Variants in AHNAK observed in about 807,000 individuals in gnomAD.
The protein encoded by AHNAK is neuroblast differentiation-associated protein AHNAK.
A neutral mutation model predicts 37.8 loss-of-function variants in AHNAK; 23 were observed. That is an observed-to-expected ratio of 0.61 (90% CI 0.44 to 0.86). The LOEUF (loss-of-function observed/expected upper bound fraction) is 0.86. Ranked by LOEUF, AHNAK falls within the 40% of genes least tolerant of loss-of-function variation. The pLI is 0.00. For missense variants in AHNAK, 7,411 were observed against 7,319.4 expected, an observed-to-expected ratio of 1.01 and a Z score of -0.46; for synonymous variants, 2,481 against 2,636.3, an observed-to-expected ratio of 0.94 and a Z score of 1.80.
At chr11:62,480,488 C>T (rs1432208036) in intron 5 of AHNAK, among the ~76,000 whole-genome samples, 28 of 151,856 alleles carry the variant, frequency 1.8e-4, no homozygotes, top group South Asian at 8.3e-4. Flanking sequence ...GGTGAAACCC[C>T]GTCTCTACTA....
In AHNAK at chr11:62,527,038, A is replaced by T; in HGVS notation, c.7379T>A (p.Leu2460Gln). The T allele has an allele frequency of 1.9e-6, 3 of 1,614,080 alleles. No individual in the cohort carries two copies. Among genetic ancestry groups the T allele is most frequent in the Non-Finnish European group, 2.5e-6 (3 of 1,179,992 alleles). ...APNISMPDVD[L>Q]NLKGPKIKGD... ...CTTGATTTTGGGTCCTTTGAGATTT[A>T]GATCAACATCAGGCATAGAAATATT... Residue 2460 changes from leucine (L) to glutamine (Q), a missense_variant, in exon 5 of 5, where the codon CTA (leucine) becomes CAA (glutamine). By Grantham distance (113) the Leu-to-Gln change is moderately radical. Transcript: ENST00000378024.
Position 62,519,028 on chromosome 11 carries a change from T to G in AHNAK, c.15389A>C (p.His5130Pro), listed in dbSNP as rs1367687460. ...PDLELSLPAI[H>P]VEGLDIKAKA... ...CGCCTTGATGTCAAGACCTTCGACG[T>G]GAATCGCTGGCAAAGAAAGTTCCAG... Residue 5130 changes from histidine (H) to proline (P), a missense_variant, in exon 5 of 5, where the codon CAC (histidine) becomes CCC (proline). Transcript: ENST00000378024. 1.2e-6 allele frequency: 2 copies of G among 1,613,288 alleles called. No homozygotes were observed. Among genetic ancestry groups the G allele is most frequent in the East Asian group, 4.5e-5 (2 of 44,854 alleles).
chr11:62,517,365 G>A lies in AHNAK; in HGVS notation c.17052C>T (p.Phe5684=). The A allele has an allele frequency of 6.2e-7, 1 of 1,614,198 alleles. No individual in the cohort carries two copies. The highest frequency in any genetic ancestry group is 8.5e-7 in the Non-Finnish European group (1 of 1,180,044). Reference sequence around the variant, plus strand: ...CTTGGATGCTGGCCTCTGCTTTAGGGAAGTGAACATCCACCCCCATTTCTC... The same window carrying A: ...CTTGGATGCTGGCCTCTGCTTTAGGAAAGTGAACATCCACCCCCATTTCTC... ...VGREMGVDVH[F]PKAEASIQAG... is the part of the protein sequence containing the mutation. The change falls in exon 5 of 5, where the codon TTC becomes TTT. Residue 5684 remains phenylalanine, a synonymous_variant. Coordinates refer to ENST00000378024, the MANE Select transcript of AHNAK (RefSeq NM_001620.3).
In AHNAK at chr11:62,494,577, C is replaced by T. The variant is rs1281758622; in HGVS notation, c.343-2746G>A. 3.9e-5 allele frequency among the ~76,000 whole-genome samples: 6 copies of T among 151,958 alleles called. No individual in the cohort carries two copies. In the East Asian group the frequency reaches 1.2e-3, roughly 29 times the overall value. On this transcript the variant is annotated intron_variant, in intron 4 of 5. Transcript: ENST00000257247. The stretch of plus-strand genomic sequence containing the variant: ...CCCTAGATGGTACAGCTAGAAAGAG[C>T]CAGAGCTGGTCAGGCACAATGGCTC...
chr11:62,472,973 T>C (rs1201181147), intron 5 of AHNAK, among the ~76,000 whole-genome samples: 1 of 147,976 alleles, frequency 6.8e-6, no homozygotes, highest in Non-Finnish European at 1.5e-5. Flanking sequence ...GTAACCCAGC[T>C]ACTCGGGAGG....
chr11:62,529,937 T>G lies in AHNAK; in HGVS notation c.4480A>C (p.Ile1494Leu). 6 of 1,612,368 alleles carry G rather than the reference T, an allele frequency of 3.7e-6. No individual in the cohort carries two copies. Among genetic ancestry groups the G allele is most frequent in the Non-Finnish European group, 5.1e-6 (6 of 1,179,566 alleles). ...DVDIKGPKVD[I>L]NAPDVEVHGP... ...TGAACCTCCACATCTGGTGCATTAA[T>G]ATCAACTTTGGGGCCTTTGATGTCA... Residue 1494 changes from isoleucine (I) to leucine (L), a missense_variant, in exon 5 of 5, where the codon ATT becomes CTT. Transcript: ENST00000378024.
In AHNAK at chr11:62,532,131, G is replaced by C; in HGVS notation, c.2286C>G (p.Phe762Leu). 6.2e-7 allele frequency: 1 copy of C among 1,613,440 alleles called. No individual in the cohort carries two copies. Among genetic ancestry groups the C allele is most frequent in the South Asian group, 1.1e-5 (1 of 91,060 alleles). Residue 762 changes from phenylalanine (F) to leucine (L), a missense_variant, in exon 5 of 5, where the codon TTC becomes TTG. Phe to Leu is a conservative substitution (Grantham distance 22). Coordinates refer to ENST00000378024, the MANE Select transcript of AHNAK (RefSeq NM_001620.3). ...CATCCACTTCTGGGCCCTCTGCTTT[G>C]AACCCTGGCACACTGAATTTGGGCA... ...MKMPKFSVPG[F>L]KAEGPEVDVN... is the part of the protein sequence containing the mutation.
intron 5 of AHNAK, among the ~76,000 whole-genome samples, chr11:62,490,118 C>A (rs1022318333): frequency 6.6e-6 from 1 of 151,514 alleles, no homozygotes; most frequent in Non-Finnish European, 1.5e-5. Flanking sequence ...ACAGGCAATG[C>A]TTTCCAGTTG....
At chr11:62,435,467 G>C (rs990352512) in intron 5 of AHNAK, among the ~76,000 whole-genome samples, 1 of 151,998 alleles carries the variant, frequency 6.6e-6, no homozygotes, top group Non-Finnish European at 1.5e-5. Context: ...CTGGAATGCA[G>C]TGGCGCGATC....
Position 62,531,404 on chromosome 11 carries a change from T to C in AHNAK, c.3013A>G (p.Lys1005Glu), listed in dbSNP as rs184758846. Residue 1005 changes from lysine to glutamate, a missense_variant, in exon 5 of 5, where the codon AAA (lysine) becomes GAA (glutamate). Physicochemically the swap from Lys to Glu is moderately conservative, Grantham distance 56. Transcript: ENST00000378024. ...NLKMPKIKMPKFSMPSLKGEG... is the reference protein window; with the variant it reads ...NLKMPKIKMPEFSMPSLKGEG... ...CCTTTGAGGCTGGGCATGCTAAATT[T>C]GGGCATTTTAATCTTTGGCATCTTC... is the stretch of plus-strand genomic sequence containing the variant. 38 of 1,614,210 alleles carry C rather than the reference T, an allele frequency of 2.4e-5. No individual in the cohort carries two copies. In the East Asian group the frequency reaches 8.2e-4, roughly 35 times the overall value.
intron 5 of AHNAK, among the ~76,000 whole-genome samples, chr11:62,465,312 G>A (rs1308191437): frequency 6.6e-6 from 1 of 152,132 alleles, no homozygotes; most frequent in African/African-American, 2.4e-5. Flanking sequence ...TTGCAGATGT[G>A]ATCAAATTTT....
intron 5 of AHNAK, among the ~76,000 whole-genome samples, chr11:62,437,528 T>C (rs1449504501): frequency 6.6e-6 from 1 of 152,182 alleles, no homozygotes; most frequent in Non-Finnish European, 1.5e-5. Context: ...GCTAATTTTT[T>C]TTGTATTTTT....
rs1399506886 is a variant in AHNAK, at chr11:62,525,995, C to G, written c.8422G>C (p.Asp2808His). ...CCTTCAGGTCCTTCGATATTCACAT[C>G]GGGACATTCAACATCCACTTTCGGT... The part of the protein sequence containing the change: ...SGPKVDVECP[D>H]VNIEGPEGKW... Residue 2808 changes from aspartate to histidine, a missense_variant, in exon 5 of 5, where the codon GAT becomes CAT. Transcript: ENST00000378024. The G allele has an allele frequency of 8.7e-6, 14 of 1,614,002 alleles. No homozygotes were observed. The East Asian group carries it at 2.9e-4, about 33-fold the overall frequency.
rs1319208664 is a variant in AHNAK at position 62,527,616 on chromosome 11, C to A, written c.6801G>T (p.Leu2267Phe). The A allele has an allele frequency of 1.2e-6, 2 of 1,613,832 alleles. No homozygotes were observed. Among genetic ancestry groups the A allele is most frequent in the Non-Finnish European group, 1.7e-6 (2 of 1,180,004 alleles). The change falls in exon 5 of 5, where the codon TTG becomes TTT. Residue 2267 changes from leucine to phenylalanine, a missense_variant. Leu to Phe is a conservative substitution (Grantham distance 22, BLOSUM62 0). Coordinates refer to ENST00000378024, the MANE Select transcript of AHNAK (RefSeq NM_001620.3). ...CTGAGACATCAACGTCAGCCTTGGG[C>A]AAGTTCACATCCACTTCTGGGCCCT... ...KGEGPEVDVN[L>F]PKADVDVSGP...
rs1565248575 is a variant in AHNAK, at chr11:62,535,137, C to A, written c.208G>T (p.Val70Leu). ...IYFDNLQSGE[V>L]TQLLNTMGHH... ...CCCATGGTGTTCAGCAGCTGGGTCA[C>A]CTCACCCGACTGCAGGTTGTCAAAG... Residue 70 changes from valine to leucine, a missense_variant, in exon 4 of 5, where the codon GTG becomes TTG. By Grantham distance (32) the Val-to-Leu change is conservative (BLOSUM62 1). Coordinates refer to ENST00000378024, the MANE Select transcript of AHNAK (RefSeq NM_001620.3). The A allele has an allele frequency of 1.2e-6, 2 of 1,613,336 alleles. 1 individual carries two copies. The highest frequency in any genetic ancestry group is 2.2e-5 in the South Asian group (2 of 91,084).
intron 5 of AHNAK, among the ~76,000 whole-genome samples, chr11:62,468,190 T>C (rs1938953205): frequency 6.6e-6 from 1 of 151,956 alleles, no homozygotes; most frequent in Non-Finnish European, 1.5e-5. Context: ...TCTACTAAAA[T>C]ACAAAAACTT....
chr11:62,522,406 G>C lies in AHNAK; in HGVS notation c.12011C>G (p.Pro4004Arg). 6.2e-7 allele frequency: 1 copy of C among 1,614,060 alleles called. No homozygotes were observed. The highest frequency in any genetic ancestry group is 8.5e-7 in the Non-Finnish European group (1 of 1,180,032). The change falls in exon 5 of 5, where the codon CCT (proline) becomes CGT (arginine). Residue 4004 changes from proline to arginine, a missense_variant. Coordinates refer to ENST00000378024, the MANE Select transcript of AHNAK (RefSeq NM_001620.3). The part of the protein sequence containing the change: ...MNIKAPKISM[P>R]DFDLHLKGPK... ...GCCTTTCAGATGCAAATCAAAGTCA[G>C]GCATGGAGATCTTGGGGGCTTTGAT...
Position 62,530,172 on chromosome 11 carries a change from T to C in AHNAK, c.4245A>G (p.Gly1415=). Residue 1415 remains glycine (G), a synonymous_variant, in exon 5 of 5, where the codon GGA becomes GGG. Coordinates refer to ENST00000378024, the MANE Select transcript of AHNAK (RefSeq NM_001620.3). The part of the protein sequence containing the change: ...KLPKADVDVS[G]PKMDAEVPDV... The stretch of plus-strand genomic sequence containing the variant: ...CTGGAACTTCAGCATCCATTTTGGG[T>C]CCTGAGACATCAACGTCAGCTTTGG... 1 of 1,613,706 alleles carries C rather than the reference T, an allele frequency of 6.2e-7. No homozygotes were observed. Among genetic ancestry groups the C allele is most frequent in the African/African-American group, 1.3e-5 (1 of 74,842 alleles).
In AHNAK at chr11:62,521,752, G is replaced by C. The variant is rs1940252734; in HGVS notation, c.12665C>G (p.Pro4222Arg). ...LPKADLDVSG[P>R]KVDIDVPDVN... ...ATCAGGAACATCAATGTCCACCTTGGGTCCTGAGACGTCAAGGTCAGCCTT... is the reference window on the plus strand; with the variant it reads ...ATCAGGAACATCAATGTCCACCTTGCGTCCTGAGACGTCAAGGTCAGCCTT... Residue 4222 changes from proline (P) to arginine (R), a missense_variant, in exon 5 of 5, where the codon CCC (proline) becomes CGC (arginine). Pro to Arg is a moderately radical substitution (Grantham distance 103). Coordinates refer to ENST00000378024, the MANE Select transcript of AHNAK (RefSeq NM_001620.3). 1.2e-6 allele frequency: 2 copies of C among 1,613,320 alleles called. No individual in the cohort carries two copies. The highest frequency in any genetic ancestry group is 1.7e-6 in the Non-Finnish European group (2 of 1,179,870).
Sources: allele counts gnomAD v4.1 joint callset (sites outside exome capture counted in the v4.1 genomes callset), GRCh38; gene constraint gnomAD v4.1.1; transcripts MANE v1.5; gene names NCBI Gene and HGNC (gene_info 2026-07-23, HGNC 2026-07-21).